Variants in CELF4 observed in about 807,000 individuals in gnomAD.
CELF4 encodes the protein CUG-BP- and ETR-3-like factor 4.
In CELF4, 18 loss-of-function variants were observed where a neutral mutation model predicts 59.9. The observed-to-expected ratio is 0.30, with a 90% CI of 0.21 to 0.45. The LOEUF (loss-of-function observed/expected upper bound fraction) is 0.45, where lower values mean the gene tolerates loss of function less well. Among genes scored for constraint, CELF4 ranks in the 20% least tolerant of loss-of-function variants. CELF4 has a pLI of 1.00. For missense variants in CELF4, 456 were observed against 689.0 expected, an observed-to-expected ratio of 0.66 and a Z score of 3.79; for synonymous variants, 261 against 267.1, an observed-to-expected ratio of 0.98 and a Z score of 0.22.
chr18:37,427,666 T>G (rs565053994), intron 2 of CELF4, among the ~76,000 whole-genome samples: 16 of 152,314 alleles, frequency 1.1e-4, no homozygotes, highest in African/African-American at 3.4e-4. Flanking sequence ...TTTGTTTGGC[T>G]TTCAAGGGCT....
At chr18:37,353,249 TAC>T (rs1603625991) in intron 2 of CELF4, among the ~76,000 whole-genome samples, 2 of 146,676 alleles carry the variant, frequency 1.4e-5, no homozygotes, top group East Asian at 4.0e-4. Context: ...TATATATATA[TAC>T]ATAAAAGACC....
At chr18:37,354,138 G>A (rs1206254879) in intron 2 of CELF4, among the ~76,000 whole-genome samples, 1 of 152,108 alleles carries the variant, frequency 6.6e-6, no homozygotes, top group Non-Finnish European at 1.5e-5. Flanking sequence ...GGGCCCTTAG[G>A]GGAGGAAGTG....
chr18:37,274,097 C>G, intron 6 of CELF4: 1 of 1,385,178 alleles, frequency 7.2e-7, no homozygotes, highest in East Asian at 2.9e-5. Context: ...AGACAGCAGC[C>G]CACCTCCTCC....
chr18:37,507,432 C>G (rs1418709205), intron 1 of CELF4, among the ~76,000 whole-genome samples: 1 of 152,342 alleles, frequency 6.6e-6, no homozygotes, highest in African/African-American at 2.4e-5. Context: ...CCTAATTCAT[C>G]CCCTGGCCTC....
At position 37,493,828 on chromosome 18, in the gene CELF4, T is replaced by A. The variant is rs1418220411; in HGVS notation, c.287-8221A>T. On this transcript the variant is annotated intron_variant, in intron 1 of 12. Transcript: ENST00000420428. ...CTCCGTACTGCCCTCCAGAGTCTCCTCTCTTTAAATCAGAAACTCCAGAGA... is the reference window on the plus strand; with the variant it reads ...CTCCGTACTGCCCTCCAGAGTCTCCACTCTTTAAATCAGAAACTCCAGAGA... Among the ~76,000 whole-genome samples the A allele has an allele frequency of 3.3e-5, 5 of 152,142 alleles. 1 individual carries two copies. The South Asian group carries it at 6.2e-4, about 19-fold the overall frequency.
chr18:37,537,771 C>T (rs2099974699), intron 1 of CELF4, among the ~76,000 whole-genome samples: 1 of 152,240 alleles, frequency 6.6e-6, no homozygotes, highest in African/African-American at 2.4e-5. Flanking sequence ...GACACAAGCT[C>T]CTCCTGGGAG....
chr18:37,343,662 G>T (rs998311450), intron 2 of CELF4, among the ~76,000 whole-genome samples: 1 of 152,030 alleles, frequency 6.6e-6, no homozygotes, highest in Non-Finnish European at 1.5e-5. Flanking sequence ...CTGCAAGCTG[G>T]GCACCTGTGC....
rs147044903 is a variant in CELF4 at position 37,405,255 on chromosome 18, TC to T, written c.369+80269del. Among the ~76,000 whole-genome samples, 327 of 152,366 alleles carry T rather than the reference TC, an allele frequency of 2.1e-3. 3 individuals are homozygous for T. The highest frequency in any genetic ancestry group is 7.6e-3 in the African/African-American group (315 of 41,592). On this transcript the variant is annotated intron_variant, in intron 2 of 12. Transcript: ENST00000420428. ...TCCACAGGTCCCATGGAATTGGGCC[TC>T]CCTGTGTGGGAGGAATTTCCTCAGG...
At chr18:37,493,786 T>C (rs1312570755) in intron 1 of CELF4, among the ~76,000 whole-genome samples, 1 of 152,160 alleles carries the variant, frequency 6.6e-6, no homozygotes, top group Non-Finnish European at 1.5e-5. Context: ...CCCTTGGCCA[T>C]GCATTCTTCT....
chr18:37,427,522 T>G (rs531556993), intron 2 of CELF4, among the ~76,000 whole-genome samples: 26 of 152,274 alleles, frequency 1.7e-4, no homozygotes, highest in African/African-American at 6.3e-4. Context: ...GTCCTTTCCG[T>G]GGCCTCTGGG....
chr18:37,337,322 A>G (rs930950859), intron 2 of CELF4, among the ~76,000 whole-genome samples: 1 of 152,076 alleles, frequency 6.6e-6, no homozygotes, highest in African/African-American at 2.4e-5. Context: ...GATTCTCCCC[A>G]TCTTCAGAGC....
At chr18:37,320,739 G>A (rs1341334802) in intron 3 of CELF4, among the ~76,000 whole-genome samples, 3 of 152,200 alleles carry the variant, frequency 2.0e-5, no homozygotes, top group African/African-American at 7.2e-5. Context: ...CAGTGTGAGT[G>A]CCGGGGACTA....
chr18:37,506,351 A>T (rs2099937997), intron 1 of CELF4, among the ~76,000 whole-genome samples: 1 of 152,166 alleles, frequency 6.6e-6, no homozygotes, highest in Non-Finnish European at 1.5e-5. Context: ...CAGTGTAGGG[A>T]GATGTGGAGA....
chr18:37,319,564 C>T (rs1456785810), intron 3 of CELF4, among the ~76,000 whole-genome samples: 1 of 152,190 alleles, frequency 6.6e-6, no homozygotes, highest in African/African-American at 2.4e-5. Flanking sequence ...AGGGCAGAGG[C>T]CTGACTGAGG....
intron 2 of CELF4, among the ~76,000 whole-genome samples, chr18:37,390,195 C>T (rs2099143635): frequency 2.0e-5 from 3 of 152,218 alleles, no homozygotes; most frequent in Non-Finnish European, 4.4e-5. Context: ...ACATGGGAGC[C>T]TGCAGCGTGG....
intron 2 of CELF4, among the ~76,000 whole-genome samples, chr18:37,322,383 G>A (rs922813303): frequency 6.6e-6 from 1 of 152,238 alleles, no homozygotes; most frequent in Non-Finnish European, 1.5e-5. Flanking sequence ...TATGGGTCAG[G>A]CGTGGCCAAG....
Position 37,338,795 on chromosome 18 carries a change from G to GTGTGA in CELF4, c.370-16915_370-16914insTCACA. On this transcript the variant is annotated intron_variant, in intron 2 of 12. Transcript: ENST00000420428. ...GTGTGTGTGTGTGTGTGTGTGTGTG[G>GTGTGA]TGTGTGTGATCTACCTTCACAGGGT... Among the ~76,000 whole-genome samples, 3 of 65,362 alleles carry GTGTGA rather than the reference G, an allele frequency of 4.6e-5. No individual in the cohort carries two copies. In the Middle Eastern group the frequency reaches 0.026, roughly 573 times the overall value. The allele number at this position is 65,362 out of a possible 152,430, so 42.9% of individuals were successfully genotyped here. A position where few individuals can be genotyped will look rare whatever the true frequency, so the allele number is the denominator to read the frequency against.
chr18:37,386,425 A>G (rs2099100273), intron 2 of CELF4, among the ~76,000 whole-genome samples: 1 of 152,204 alleles, frequency 6.6e-6, no homozygotes, highest in African/African-American at 2.4e-5. Flanking sequence ...ACGGGAAGGC[A>G]GTGCTGTGTG....
At chr18:37,285,827 T>C (rs147486437) in intron 3 of CELF4, among the ~76,000 whole-genome samples, 1 of 152,306 alleles carries the variant, frequency 6.6e-6, no homozygotes, top group Non-Finnish European at 1.5e-5. Context: ...TAACTGATTA[T>C]ACATTTGATC....
Sources: gnomAD v4.1 joint callset for allele counts (sites outside exome capture counted in the v4.1 genomes callset) on GRCh38, gnomAD v4.1.1 for gene constraint, MANE v1.5 for transcripts, NCBI Gene and HGNC (gene_info 2026-07-23, HGNC 2026-07-21) for gene names.